SYNE3: variants seen among roughly 807,000 people sequenced by gnomAD.
The protein encoded by SYNE3 is nesprin-3.
A neutral mutation model predicts 111.2 loss-of-function variants in SYNE3; 100 were observed. The ratio of observed to expected loss-of-function variants is 0.90; its 90% CI spans 0.77 to 1.06. SYNE3 has a LOEUF of 1.06. SYNE3 is among the 50% of genes least tolerant of loss of function. SYNE3 has a pLI of 0.00. For missense variants in SYNE3, 1,160 were observed against 1,240.3 expected (o/e 0.94, Z 0.97); for synonymous variants, 547 against 533.9 (o/e 1.02, Z -0.34).
chr14:95,438,832 G>C lies in SYNE3; in HGVS notation c.2376+201C>G, dbSNP rs953026830. 6.6e-5 allele frequency: 43 copies of C among 653,810 alleles called. 1 individual carries two copies. Among genetic ancestry groups the C allele is most frequent in the Non-Finnish European group, 1.0e-4 (41 of 396,764 alleles). 40.5% of individuals were successfully genotyped at this position (653,810 alleles called of 1,614,324 possible). A position where few individuals can be genotyped will look rare whatever the true frequency, so the allele number is the denominator to read the frequency against. ...TGGTGGCCTGGCTCTGCAGACTCTG[G>C]GATCTCTGAGGTCCTCTGTGGAGTA... is the stretch of plus-strand genomic sequence containing the variant. On this transcript the variant is annotated intron_variant, in intron 14 of 17. Coordinates refer to ENST00000682763, the MANE Select transcript of SYNE3 (RefSeq NM_152592.6).
rs143308474 is a variant in SYNE3, at chr14:95,454,901, G to A, written c.1137+476C>T. ...GGAGCCTCTGATGGGATGTCATGTC[G>A]GGGTCTGGGAAGCACCCCCCACCAC... is the stretch of plus-strand genomic sequence containing the variant. On this transcript the variant is annotated intron_variant, in intron 6 of 17. Transcript: ENST00000682763. Among the ~76,000 whole-genome samples the A allele has an allele frequency of 9.4e-4, 143 of 152,202 alleles. 1 individual carries two copies. The highest frequency in any genetic ancestry group is 1.8e-3 in the Non-Finnish European group (119 of 67,996).
At chr14:95,468,109 C>T in intron 2 of SYNE3, 142 bp from the exon 3 acceptor site, 1 of 1,010,962 alleles carries the variant, frequency 9.9e-7, no homozygotes, top group Non-Finnish European at 1.4e-6. Context: ...TGCACCCCTT[C>T]TTGTGGGGTC....
chr14:95,515,627 C>T (rs1890891278), intron 1 of SYNE3, among the ~76,000 whole-genome samples: 1 of 152,180 alleles, frequency 6.6e-6, no homozygotes, highest in Admixed American at 6.5e-5. Flanking sequence ...TGGGATGGGG[C>T]ATGCCCCCAA....
At chr14:95,428,735 T>C (rs1885574144) in intron 17 of SYNE3, among the ~76,000 whole-genome samples, 1 of 152,220 alleles carries the variant, frequency 6.6e-6, no homozygotes, top group South Asian at 2.1e-4. Context: ...TTCACGTGTC[T>C]CAATGCTGCA....
Position 95,414,238 on chromosome 14 carries a change from T to C in SYNE3, c.*3588A>G, listed in dbSNP as rs1442235914. On this transcript the variant is annotated 3_prime_UTR_variant, in exon 18 of 18. Coordinates refer to ENST00000682763, the MANE Select transcript of SYNE3 (RefSeq NM_152592.6). ...CCCCATGTTGTGGGTTTGGACCCACTTCAGCATGAGCAAGGGTCTTTATAT... is the reference window on the plus strand; with the variant it reads ...CCCCATGTTGTGGGTTTGGACCCACCTCAGCATGAGCAAGGGTCTTTATAT... 1 of 152,180 alleles carries C rather than the reference T, an allele frequency of 6.6e-6. No individual in the cohort carries two copies. The highest frequency in any genetic ancestry group is 1.5e-5 in the Non-Finnish European group (1 of 68,020). 9.4% of individuals were successfully genotyped at this position (152,180 alleles called of 1,614,324 possible).
At chr14:95,428,769 GT>G (rs1250796943) in intron 17 of SYNE3, among the ~76,000 whole-genome samples, 2 of 152,240 alleles carry the variant, frequency 1.3e-5, no homozygotes, top group Admixed American at 1.3e-4. Flanking sequence ...GCAGCAGTGA[GT>G]TGGCAAGTGC....
intron 1 of SYNE3, among the ~76,000 whole-genome samples, chr14:95,514,441 G>A (rs1463910202): frequency 1.3e-5 from 2 of 152,210 alleles, no homozygotes; most frequent in Non-Finnish European, 2.9e-5. Flanking sequence ...AATCAAGGCA[G>A]GGAGAAGAGG....
At chr14:95,510,737 G>A (rs1264256924) in intron 1 of SYNE3, among the ~76,000 whole-genome samples, 5 of 152,110 alleles carry the variant, frequency 3.3e-5, no homozygotes, top group East Asian at 3.9e-4. Context: ...GCAGTGAGCC[G>A]AGATTGCACC....
At chr14:95,496,229 A>C (rs116685331) in intron 1 of SYNE3, among the ~76,000 whole-genome samples, 1,968 of 152,332 alleles carry the variant, frequency 0.013, 33 homozygotes, top group African/African-American at 0.043. Context: ...CACTGTGGTC[A>C]GTGTTGAAGA....
At chr14:95,465,297 A>G (rs985285843) in intron 4 of SYNE3, among the ~76,000 whole-genome samples, 1 of 152,288 alleles carries the variant, frequency 6.6e-6, no homozygotes, top group East Asian at 1.9e-4. Context: ...ACCTATATGT[A>G]TATTAAGCAC....
Position 95,437,332 on chromosome 14 carries a change from G to T in SYNE3, c.2377-351C>A, listed in dbSNP as rs995589226. On this transcript the variant is annotated intron_variant, in intron 14 of 17. Coordinates refer to ENST00000682763, the MANE Select transcript of SYNE3 (RefSeq NM_152592.6). ...GCAAGCCCATTCAGCTAACTTCTTG[G>T]TTATCCACATTGGTGCCTCTCACTA... Among the ~76,000 whole-genome samples, 6 of 152,208 alleles carry T rather than the reference G, an allele frequency of 3.9e-5. No individual in the cohort carries two copies. In the East Asian group the frequency reaches 9.6e-4, roughly 24 times the overall value.
intron 17 of SYNE3, among the ~76,000 whole-genome samples, chr14:95,430,359 A>C (rs1001655405): frequency 6.6e-6 from 1 of 151,310 alleles, no homozygotes; most frequent in Non-Finnish European, 1.5e-5. Context: ...TGTGTAGAGC[A>C]CCTGTCCTTT....
At chr14:95,427,490 T>C (rs868162396) in intron 17 of SYNE3, among the ~76,000 whole-genome samples, 1 of 152,242 alleles carries the variant, frequency 6.6e-6, no homozygotes, top group Non-Finnish European at 1.5e-5. Flanking sequence ...CACCTGGCTC[T>C]GCCTTCTAGA....
chr14:95,417,381 C>A lies in SYNE3; in HGVS notation c.*445G>T. 1 of 230,610 alleles carries A rather than the reference C, an allele frequency of 4.3e-6. No homozygotes were observed. The highest frequency in any genetic ancestry group is 8.8e-6 in the Non-Finnish European group (1 of 114,084). 14.3% of individuals were successfully genotyped at this position (230,610 alleles called of 1,614,324 possible). A position where few individuals can be genotyped will look rare whatever the true frequency, so the allele number is the denominator to read the frequency against. On this transcript the variant is annotated 3_prime_UTR_variant, in exon 18 of 18. Transcript: ENST00000682763. ...TCCACGTTGCAGCTCAGAGGCCTTT[C>A]ATTACATCTGAATTCTGGGATTCGC... is the stretch of plus-strand genomic sequence containing the variant.
rs1417185933 is a variant in SYNE3, at chr14:95,409,933, C to T, written c.*7893G>A. ...GGAAAGGCTCAGAGATCCTCATTTTCCAAGATTTGCACCCAGGAGCTCCTC... is the reference window on the plus strand; with the variant it reads ...GGAAAGGCTCAGAGATCCTCATTTTTCAAGATTTGCACCCAGGAGCTCCTC... On this transcript the variant is annotated 3_prime_UTR_variant, in exon 18 of 18. Transcript: ENST00000682763. 1.3e-5 allele frequency: 2 copies of T among 157,900 alleles called. No individual in the cohort carries two copies. Among genetic ancestry groups the T allele is most frequent in the Non-Finnish European group, 2.8e-5 (2 of 71,242 alleles). 9.8% of individuals were successfully genotyped at this position (157,900 alleles called of 1,614,324 possible). A position where few individuals can be genotyped will look rare whatever the true frequency, so the allele number is the denominator to read the frequency against.
intron 4 of SYNE3, among the ~76,000 whole-genome samples, chr14:95,460,029 G>A (rs1034940455): frequency 6.6e-6 from 1 of 152,006 alleles, no homozygotes; most frequent in Non-Finnish European, 1.5e-5. Context: ...CCCAGGAGGT[G>A]GAGGCTGCAG....
chr14:95,451,983 T>C (rs1352663732), intron 7 of SYNE3: 1 of 298,194 alleles, frequency 3.4e-6, no homozygotes. Context: ...CTAACCTGCA[T>C]GAAGAGTCAT....
Position 95,487,179 on chromosome 14 carries a change from T to C in SYNE3, c.-14-11344A>G, listed in dbSNP as rs114493521. Among the ~76,000 whole-genome samples, 825 of 152,320 alleles carry C rather than the reference T, an allele frequency of 5.4e-3. 11 individuals carry two copies. The highest frequency in any genetic ancestry group is 0.019 in the African/African-American group (783 of 41,566). On this transcript the variant is annotated intron_variant, in intron 1 of 17. Coordinates refer to ENST00000682763, the MANE Select transcript of SYNE3 (RefSeq NM_152592.6). ...GAGAAATCTTTTCAGCCTCTGCTCC[T>C]CCTGGTAGAAGCGACTTCTCCTTTC...
chr14:95,505,045 C>A (rs1037330553), intron 1 of SYNE3, among the ~76,000 whole-genome samples: 2 of 152,202 alleles, frequency 1.3e-5, no homozygotes, highest in Non-Finnish European at 2.9e-5. Flanking sequence ...ATTCGATCTA[C>A]GAAGTCCAGG....
Sources: gnomAD v4.1 joint callset for allele counts (sites outside exome capture counted in the v4.1 genomes callset) on GRCh38, gnomAD v4.1.1 for gene constraint, MANE v1.5 for transcripts, NCBI Gene and HGNC (gene_info 2026-07-23, HGNC 2026-07-21) for gene names.